The following RPTOR variants were observed in gnomAD, a reference collection of about 807,000 sequenced individuals.
The protein encoded by RPTOR is regulatory-associated protein of mTOR.
Under a neutral mutation model 169.9 loss-of-function variants are expected in RPTOR, and 21 were observed. The ratio of observed to expected loss-of-function variants is 0.12; its 90% CI spans 0.09 to 0.18. The LOEUF (loss-of-function observed/expected upper bound fraction) is 0.18. Among genes scored for constraint, RPTOR ranks in the 10% least tolerant of loss-of-function variants. The pLI is 1.00. For missense variants in RPTOR, 1,133 were observed against 1,855.9 expected (o/e 0.61, Z 7.16); for synonymous variants, 732 against 753.2 (o/e 0.97, Z 0.46).
At chr17:80,799,723 G>A (rs934846302) in intron 7 of RPTOR, among the ~76,000 whole-genome samples, 32 of 148,730 alleles carry the variant, frequency 2.2e-4, no homozygotes, top group African/African-American at 6.6e-4. Flanking sequence ...TCCCCTCCCT[G>A]GCGGCCGCCC....
Position 80,585,208 on chromosome 17 carries a change from G to GT in RPTOR, c.162+39428dup, listed in dbSNP as rs1251210212. ...TATTATTATTATTATTATTATTTTTGTTTTTTTTTTTCCTGAGATGGAGTC... is the reference window on the plus strand; with the variant it reads ...TATTATTATTATTATTATTATTTTTGTTTTTTTTTTTTCCTGAGATGGAGTC... On this transcript the variant is annotated intron_variant, in intron 1 of 33. Coordinates refer to ENST00000306801, the MANE Select transcript of RPTOR (RefSeq NM_020761.3). 3.5e-3 allele frequency among the ~76,000 whole-genome samples: 421 copies of GT among 120,644 alleles called. 9 individuals are homozygous for GT. Among genetic ancestry groups the GT allele is most frequent in the African/African-American group, 7.1e-3 (216 of 30,560 alleles). 79.1% of individuals were successfully genotyped at this position (120,644 alleles called of 152,430 possible). A position where few individuals can be genotyped will look rare whatever the true frequency, so the allele number is the denominator to read the frequency against.
chr17:80,721,486 C>T lies in RPTOR; in HGVS notation c.508-9074C>T, dbSNP rs534608739. Reference sequence around the variant, plus strand: ...TCTTCCTGCTGCGTGTGCATCTGGCCCTGGAAAGAGGCACACCCAGCAGCG... The same window carrying T: ...TCTTCCTGCTGCGTGTGCATCTGGCTCTGGAAAGAGGCACACCCAGCAGCG... On this transcript the variant is annotated intron_variant, in intron 4 of 33. Transcript: ENST00000306801. This position sits in a 1 kb window ranked among gnomAD's most constrained non-coding sequence, Gnocchi z 4.7. 6.6e-6 allele frequency among the ~76,000 whole-genome samples: 1 copy of T among 151,498 alleles called. No individual in the cohort carries two copies. The highest frequency in any genetic ancestry group is 2.1e-4 in the South Asian group (1 of 4,824).
rs1472942988 is a variant in RPTOR at position 80,746,215 on chromosome 17, TGCTTTCTGCGGGTGATCCCCACC to T, written c.655-7792_655-7770del. 2.1e-3 allele frequency among the ~76,000 whole-genome samples: 292 copies of T among 139,778 alleles called. 10 individuals are homozygous for T. Among genetic ancestry groups the T allele is most frequent in the Non-Finnish European group, 3.4e-3 (212 of 63,104 alleles). 91.7% of individuals were successfully genotyped at this position (139,778 alleles called of 152,430 possible). On this transcript the variant is annotated intron_variant, in intron 5 of 33. Transcript: ENST00000306801. The surrounding 1 kb of genome is among the most constrained non-coding windows in gnomAD (Gnocchi z 4.5). ...GTGATCCCCACCGCCCCCACAGCGG[TGCTTTCTGCGGGTGATCCCCACC>T]GCCCCCACAGCGGTGCTTTCTGCGG...
rs1252660502 is a variant in RPTOR, at chr17:80,545,685, C to A, written c.56C>A (p.Ala19Asp). Residue 19 changes from alanine (A) to aspartate (D), a missense_variant, in exon 1 of 34, where the codon GCT becomes GAT. Transcript: ENST00000306801. ...CTGGGCCTGGGGGAGGAAGATGAGGCTGATCTTACAGACTGGAACCTACCT... is the reference window on the plus strand; with the variant it reads ...CTGGGCCTGGGGGAGGAAGATGAGGATGATCTTACAGACTGGAACCTACCT... ...PLLGLGEEDEADLTDWNLPLA... is the reference protein window; with the variant it reads ...PLLGLGEEDEDDLTDWNLPLA... The A allele has an allele frequency of 1.9e-6, 3 of 1,613,752 alleles. No individual in the cohort carries two copies. Among genetic ancestry groups the A allele is most frequent in the Non-Finnish European group, 2.5e-6 (3 of 1,179,786 alleles).
rs2062660501 is a variant in RPTOR at position 80,707,685 on chromosome 17, C to T, written c.349-156C>T. 6.6e-6 allele frequency among the ~76,000 whole-genome samples: 1 copy of T among 152,110 alleles called. No individual in the cohort carries two copies. Among genetic ancestry groups the T allele is most frequent in the Non-Finnish European group, 1.5e-5 (1 of 68,034 alleles). ...GGGATTTTCGGCATGAGCCAGGGTG[C>T]CTGGCATTACCTGGTTTTATAGATG... On this transcript the variant is annotated intron_variant, in intron 3 of 33. Coordinates refer to ENST00000306801, the MANE Select transcript of RPTOR (RefSeq NM_020761.3). The surrounding 1 kb of genome is among the most constrained non-coding windows in gnomAD (Gnocchi z 5.0).
In RPTOR at chr17:80,609,773, T is replaced by G. The variant is rs1015920815; in HGVS notation, c.163-15918T>G. 6.3e-5 allele frequency among the ~76,000 whole-genome samples: 9 copies of G among 143,252 alleles called. No homozygotes were observed. Among genetic ancestry groups the G allele is most frequent in the Non-Finnish European group, 1.1e-4 (7 of 65,542 alleles). 94.0% of individuals were successfully genotyped at this position (143,252 alleles called of 152,430 possible). On this transcript the variant is annotated intron_variant, in intron 1 of 33. Transcript: ENST00000306801. This position sits in a 1 kb window ranked among gnomAD's most constrained non-coding sequence, Gnocchi z 4.8. The stretch of plus-strand genomic sequence containing the variant: ...AAAAAAAAAAAGTTTAAGGTGTTGG[T>G]TGTGTGTGTGTGTGTGTGTGTGTGT...
chr17:80,560,438 G>A (rs2084466830), intron 1 of RPTOR, among the ~76,000 whole-genome samples: 1 of 152,216 alleles, frequency 6.6e-6, no homozygotes, highest in African/African-American at 2.4e-5. Flanking sequence ...CTGCGTTGAA[G>A]GTGTTTTCCA....
chr17:80,737,336 C>G (rs1289781455), intron 5 of RPTOR, among the ~76,000 whole-genome samples: 1 of 152,192 alleles, frequency 6.6e-6, no homozygotes, highest in Admixed American at 6.5e-5. Flanking sequence ...GTCTTTATTT[C>G]TCTGGGCTCT....
chr17:80,620,108 A>T (rs1032713848), intron 1 of RPTOR, among the ~76,000 whole-genome samples: 18 of 152,218 alleles, frequency 1.2e-4, no homozygotes, highest in African/African-American at 3.4e-4. Flanking sequence ...CACTTTAAGG[A>T]TGAGGAAACT....
chr17:80,773,875 C>T (rs1157852395), intron 6 of RPTOR: 2 of 985,260 alleles, frequency 2.0e-6, no homozygotes, highest in Non-Finnish European at 2.4e-6. Context: ...AGAGCTCCCT[C>T]AGACGTCGAC....
At chr17:80,839,695 C>T (rs888182967) in intron 10 of RPTOR, among the ~76,000 whole-genome samples, 5 of 152,198 alleles carry the variant, frequency 3.3e-5, no homozygotes, top group East Asian at 1.9e-4. Context: ...GGCCTGTTGC[C>T]GCAAACAGAT....
intron 5 of RPTOR, among the ~76,000 whole-genome samples, chr17:80,733,827 T>C (rs1438267767): frequency 6.6e-6 from 1 of 152,234 alleles, no homozygotes; most frequent in Non-Finnish European, 1.5e-5. Flanking sequence ...CTCTATTGGG[T>C]TTCTTTATAC....
intron 1 of RPTOR, among the ~76,000 whole-genome samples, chr17:80,589,843 TG>T (rs1389144022): frequency 1.3e-5 from 2 of 152,220 alleles, no homozygotes; most frequent in African/African-American, 4.8e-5. Flanking sequence ...AACACAGTCA[TG>T]GTCTTCTGTA....
chr17:80,653,304 A>G (rs1489601113), intron 3 of RPTOR, among the ~76,000 whole-genome samples: 1 of 152,220 alleles, frequency 6.6e-6, no homozygotes, highest in Non-Finnish European at 1.5e-5. Context: ...TGCCCGTGGG[A>G]GGCCAAGACA....
intron 7 of RPTOR, among the ~76,000 whole-genome samples, chr17:80,798,663 C>T (rs2067125222): frequency 6.6e-6 from 1 of 152,158 alleles, no homozygotes. Context: ...GATGCGCATT[C>T]ACCTGAGTGG....
In RPTOR at chr17:80,845,058, G is replaced by A. The variant is rs966188310; in HGVS notation, c.1213-1415G>A. On this transcript the variant is annotated intron_variant, in intron 10 of 33. Coordinates refer to ENST00000306801, the MANE Select transcript of RPTOR (RefSeq NM_020761.3). The surrounding 1 kb of genome is among the most constrained non-coding windows in gnomAD (Gnocchi z 5.4). ...TGTTAAGTGGAAGTGACTCTCCGTG[G>A]AGGGAATCAGGCCGGACTGCTCCTG... Among the ~76,000 whole-genome samples the A allele has an allele frequency of 6.6e-6, 1 of 152,030 alleles. No individual in the cohort carries two copies. Among genetic ancestry groups the A allele is most frequent in the African/African-American group, 2.4e-5 (1 of 41,384 alleles).
At chr17:80,856,751 A>T (rs1483713973) in intron 12 of RPTOR, among the ~76,000 whole-genome samples, 1 of 152,250 alleles carries the variant, frequency 6.6e-6, no homozygotes, top group Admixed American at 6.5e-5. Flanking sequence ...GCATGTATTC[A>T]TAACAGTTTA....
intron 11 of RPTOR, among the ~76,000 whole-genome samples, chr17:80,854,353 C>T (rs1286404694): frequency 1.3e-5 from 2 of 152,202 alleles, no homozygotes; most frequent in East Asian, 1.9e-4. Context: ...CAAGGCTCAG[C>T]GACGTTAACT....
At chr17:80,942,814 G>T (rs970474967) in intron 25 of RPTOR, among the ~76,000 whole-genome samples, 1 of 152,230 alleles carries the variant, frequency 6.6e-6, no homozygotes, top group African/African-American at 2.4e-5. Flanking sequence ...CAACATTCAC[G>T]ACCTTGGCTG....
Sources: allele counts gnomAD v4.1 joint callset (sites outside exome capture counted in the v4.1 genomes callset), GRCh38; gene constraint gnomAD v4.1.1; non-coding constraint Gnocchi (gnomAD v3.1); transcripts MANE v1.5; gene names NCBI Gene and HGNC (gene_info 2026-07-23, HGNC 2026-07-21).